AKT3: variants seen among roughly 807,000 people sequenced by gnomAD.
AKT3 encodes the protein AKT serine/threonine kinase 3, also known as RAC-gamma serine/threonine-protein kinase.
AKT3 carries 15 observed loss-of-function variants against 65.3 expected under a neutral mutation model. The ratio of observed to expected loss-of-function variants is 0.23; its 90% CI spans 0.15 to 0.35. The LOEUF (loss-of-function observed/expected upper bound fraction) is 0.35, where lower values mean the gene tolerates loss of function less well. Among genes scored for constraint, AKT3 ranks in the 10% least tolerant of loss-of-function variants. The pLI, the probability that AKT3 is intolerant of heterozygous loss-of-function variation, is 1.00. For missense variants in AKT3, 243 were observed against 576.5 expected (o/e 0.42, Z 5.92); for synonymous variants, 206 against 183.8 (o/e 1.12, Z -0.98).
intron 5 of AKT3, among the ~76,000 whole-genome samples, chr1:243,640,884 A>AT (rs1680332045): frequency 6.6e-6 from 1 of 152,012 alleles, no homozygotes; most frequent in Non-Finnish European, 1.5e-5. Flanking sequence ...TGTCAATTTG[A>AT]TTGTATTGAA....
intron 6 of AKT3, among the ~76,000 whole-genome samples, chr1:243,633,192 T>C (rs1359200858): frequency 6.6e-6 from 1 of 152,138 alleles, no homozygotes; most frequent in African/African-American, 2.4e-5. Flanking sequence ...CATTTCTAGG[T>C]AAACAGAAAC....
At chr1:243,795,847 A>G (rs1691970407) in intron 2 of AKT3, among the ~76,000 whole-genome samples, 1 of 152,078 alleles carries the variant, frequency 6.6e-6, no homozygotes, top group Non-Finnish European at 1.5e-5. Context: ...TTAATTTTGC[A>G]AAGAATAAAC....
At position 243,500,303 on chromosome 1, in the gene AKT3, C is replaced by T. The variant is rs1211835921; in HGVS notation, c.*4946G>A. The stretch of plus-strand genomic sequence containing the variant: ...TTTATTTATCGTCCTACTTTGTGCA[C>T]AATCAATCAATCAGGAGACACCAGG... On this transcript the variant is annotated 3_prime_UTR_variant, in exon 14 of 14. Coordinates refer to ENST00000673466, the MANE Select transcript of AKT3 (RefSeq NM_005465.7). 4 of 105,560 alleles carry T rather than the reference C, an allele frequency of 3.8e-5. No homozygotes were observed. The highest frequency in any genetic ancestry group is 6.4e-5 in the Non-Finnish European group (4 of 62,332). The allele number at this position is 105,560 out of a possible 1,614,324, so 6.5% of individuals were successfully genotyped here.
chr1:243,710,989 CT>C (rs1269624750), intron 2 of AKT3, among the ~76,000 whole-genome samples: 1 of 152,130 alleles, frequency 6.6e-6, no homozygotes, highest in African/African-American at 2.4e-5. Flanking sequence ...ACTGAGGTTA[CT>C]TTTTTAAGTA....
At position 243,807,322 on chromosome 1, in the gene AKT3, G is replaced by T. The variant is rs1258429222; in HGVS notation, c.46+35803C>A. Among the ~76,000 whole-genome samples the T allele has an allele frequency of 2.6e-5, 4 of 152,188 alleles. 1 individual carries two copies. In the East Asian group the frequency reaches 7.7e-4, roughly 29 times the overall value. ...TGACAAACAGCACCTGGAAAATCGG[G>T]TCACTCCCACCCTAATACTGCGCTT... On this transcript the variant is annotated intron_variant, in intron 2 of 13. Coordinates refer to ENST00000673466, the MANE Select transcript of AKT3 (RefSeq NM_005465.7).
intron 2 of AKT3, among the ~76,000 whole-genome samples, chr1:243,795,041 A>G (rs191277310): frequency 6.6e-6 from 1 of 152,234 alleles, no homozygotes; most frequent in Admixed American, 6.5e-5. Flanking sequence ...CTTCTCTGAT[A>G]ATACTGGAGA....
At chr1:243,509,505 G>A (rs1669887955) in intron 13 of AKT3, among the ~76,000 whole-genome samples, 2 of 152,132 alleles carry the variant, frequency 1.3e-5, no homozygotes, top group South Asian at 4.1e-4. Context: ...TAGCCTAAGA[G>A]TCATATACAA....
intron 12 of AKT3, among the ~76,000 whole-genome samples, chr1:243,544,862 A>AT (rs897770090): frequency 5.1e-4 from 74 of 144,348 alleles, no homozygotes; most frequent in African/African-American, 9.1e-4. Flanking sequence ...CGCCCAGTTG[A>AT]TTTTTTTTTT....
At chr1:243,609,055 T>C (rs1677665195) in intron 8 of AKT3, among the ~76,000 whole-genome samples, 1 of 151,932 alleles carries the variant, frequency 6.6e-6, no homozygotes, top group African/African-American at 2.4e-5. Flanking sequence ...CCTGGTCGTT[T>C]TCTGCATTTT....
intron 12 of AKT3, among the ~76,000 whole-genome samples, chr1:243,540,975 T>G (rs150007394): frequency 6.6e-6 from 1 of 152,206 alleles, no homozygotes; most frequent in East Asian, 1.9e-4. Flanking sequence ...AACATCTTAC[T>G]TACTGGTGAT....
intron 11 of AKT3, among the ~76,000 whole-genome samples, chr1:243,547,136 T>C (rs1430719841): frequency 6.6e-6 from 1 of 151,730 alleles, no homozygotes; most frequent in Non-Finnish European, 1.5e-5. Flanking sequence ...TTGCCAATTC[T>C]GGCGGTATAA....
At chr1:243,565,133 T>C (rs1480384013) in intron 9 of AKT3, among the ~76,000 whole-genome samples, 2 of 152,258 alleles carry the variant, frequency 1.3e-5, no homozygotes, top group South Asian at 2.1e-4. Flanking sequence ...ATGCTTGATA[T>C]ACATTTCATG....
intron 13 of AKT3, among the ~76,000 whole-genome samples, chr1:243,493,617 T>C (rs1434557539): frequency 6.6e-6 from 1 of 152,028 alleles, no homozygotes; most frequent in Non-Finnish European, 1.5e-5. Context: ...TATGAATCAC[T>C]TACAGTTTAG....
chr1:243,584,882 G>C (rs12735854), intron 8 of AKT3, among the ~76,000 whole-genome samples: 83,981 of 151,898 alleles, frequency 0.55, 25,337 homozygotes, highest in Non-Finnish European at 0.68. Flanking sequence ...CAATATATTA[G>C]TGGAGAGTGC....
At chr1:243,832,119 C>CT (rs1217403286) in intron 2 of AKT3, among the ~76,000 whole-genome samples, 3 of 5,278 alleles carry the variant, frequency 5.7e-4, no homozygotes, top group African/African-American at 1.1e-3. Context: ...ATCCCTAAAA[C>CT]TAAAAAAAAA....
At chr1:243,824,560 G>C (rs1332552597) in intron 2 of AKT3, among the ~76,000 whole-genome samples, 1 of 151,034 alleles carries the variant, frequency 6.6e-6, no homozygotes, top group Non-Finnish European at 1.5e-5. Context: ...AAATTTTCAA[G>C]ACAAAAAAAA....
chr1:243,533,152 C>T (rs935469350), intron 12 of AKT3, among the ~76,000 whole-genome samples: 6 of 151,956 alleles, frequency 3.9e-5, no homozygotes, highest in Admixed American at 2.0e-4. Context: ...CATTTATTTC[C>T]GTTGTAATCT....
intron 2 of AKT3, among the ~76,000 whole-genome samples, chr1:243,795,862 T>G (rs924411797): frequency 1.1e-4 from 16 of 152,270 alleles, no homozygotes; most frequent in African/African-American, 3.1e-4. Context: ...ATAAACCTTG[T>G]TCTCCTGAGG....
intron 12 of AKT3, among the ~76,000 whole-genome samples, chr1:243,540,386 A>G (rs1226879896): frequency 3.3e-5 from 5 of 152,202 alleles, no homozygotes; most frequent in Non-Finnish European, 2.9e-5. Context: ...ATAAAATTCA[A>G]TACCCATTCA....
Sources: allele counts gnomAD v4.1 joint callset (sites outside exome capture counted in the v4.1 genomes callset), GRCh38; gene constraint gnomAD v4.1.1; transcripts MANE v1.5; gene names NCBI Gene and HGNC (gene_info 2026-07-23, HGNC 2026-07-21).